The following SLC25A21 variants were observed in gnomAD, a reference collection of about 807,000 sequenced individuals.
SLC25A21 encodes mitochondrial 2-oxodicarboxylate carrier.
In SLC25A21, 47 loss-of-function variants were observed where a neutral mutation model predicts 43.8. The observed-to-expected ratio is 1.07, with a 90% confidence interval of 0.85 to 1.37. The LOEUF is 1.37. Among genes scored for constraint, SLC25A21 ranks in the 40% most tolerant of loss-of-function variants. The pLI is 0.00. For synonymous variants in SLC25A21, 131 were observed against 121.3 expected, an observed-to-expected ratio of 1.08 and a Z score of -0.52; for missense variants, 352 against 350.2, an observed-to-expected ratio of 1.00 and a Z score of -0.04.
chr14:37,007,474 T>A (rs1341517530), intron 1 of SLC25A21, among the ~76,000 whole-genome samples: 2 of 151,788 alleles, frequency 1.3e-5, no homozygotes, highest in East Asian at 3.9e-4. Context: ...ATGGTAGCGA[T>A]TGCCTGTAAT....
intron 1 of SLC25A21, among the ~76,000 whole-genome samples, chr14:36,926,102 G>T (rs1007446402): frequency 6.6e-6 from 1 of 152,000 alleles, no homozygotes; most frequent in African/African-American, 2.4e-5. Context: ...TAGAACATAG[G>T]CTGGATCATA....
At chr14:37,056,621 T>C (rs865966897) in intron 1 of SLC25A21, among the ~76,000 whole-genome samples, 1 of 152,172 alleles carries the variant, frequency 6.6e-6, no homozygotes, top group East Asian at 1.9e-4. Flanking sequence ...ACTCACACTC[T>C]TTCCCAGCAG....
chr14:36,814,936 T>C (rs919973000), intron 2 of SLC25A21, among the ~76,000 whole-genome samples: 1 of 152,140 alleles, frequency 6.6e-6, no homozygotes, highest in Non-Finnish European at 1.5e-5. Flanking sequence ...CCATCAATGA[T>C]AGACTGGATT....
intron 2 of SLC25A21, chr14:36,828,710 A>C (rs10131807): frequency 0.088 from 13,425 of 152,336 alleles, 832 homozygotes; most frequent in East Asian, 0.31. Context: ...CTGCCTCTCT[A>C]TGAGTCCTCT....
chr14:36,851,633 C>A (rs777568924), intron 2 of SLC25A21, among the ~76,000 whole-genome samples: 2 of 152,106 alleles, frequency 1.3e-5, no homozygotes, highest in Non-Finnish European at 2.9e-5. Flanking sequence ...CAATAAGCTA[C>A]ACAAAAAATG....
At chr14:37,114,949 C>G (rs1963081343) in intron 1 of SLC25A21, among the ~76,000 whole-genome samples, 1 of 152,128 alleles carries the variant, frequency 6.6e-6, no homozygotes, top group South Asian at 2.1e-4. Context: ...CATACCTAGA[C>G]ACAGATTTAG....
At position 36,679,338 on chromosome 14, in the gene SLC25A21, C is replaced by T. The variant is rs1566483875; in HGVS notation, c.*1320G>A. 1 of 969,758 alleles carries T rather than the reference C, an allele frequency of 1.0e-6. No homozygotes were observed. The highest frequency in any genetic ancestry group is 6.2e-5 in the Admixed American group (1 of 16,232). The allele number at this position is 969,758 out of a possible 1,614,324, so 60.1% of individuals were successfully genotyped here. A position where few individuals can be genotyped will look rare whatever the true frequency, so the allele number is the denominator to read the frequency against. ...CTTTTATTTTTATACTTCAAATGCT[C>T]TAAATTAATAAAAAGTAATAATTAC... On this transcript the variant is annotated 3_prime_UTR_variant, in exon 10 of 10. Coordinates refer to ENST00000331299, the MANE Select transcript of SLC25A21 (RefSeq NM_030631.4).
chr14:37,098,758 C>T (rs61989528), intron 1 of SLC25A21, among the ~76,000 whole-genome samples: 2,422 of 26,196 alleles, frequency 0.092, 66 homozygotes, highest in East Asian at 0.23. Context: ...GACAGACAGA[C>T]AGACAGACAG....
At chr14:36,752,256 G>A (rs961757398) in intron 3 of SLC25A21, among the ~76,000 whole-genome samples, 2 of 152,192 alleles carry the variant, frequency 1.3e-5, no homozygotes, top group African/African-American at 4.8e-5. Flanking sequence ...ACAAGTGTTG[G>A]AAAAGATGTG....
chr14:36,730,548 C>T (rs1884776189), intron 4 of SLC25A21, among the ~76,000 whole-genome samples: 1 of 152,118 alleles, frequency 6.6e-6, no homozygotes, highest in Admixed American at 6.5e-5. Flanking sequence ...ATTTCAGAGC[C>T]AAAAATACTC....
intron 4 of SLC25A21, among the ~76,000 whole-genome samples, chr14:36,732,941 A>C (rs1208907812): frequency 6.6e-6 from 1 of 152,192 alleles, no homozygotes; most frequent in Non-Finnish European, 1.5e-5. Flanking sequence ...CACATACACC[A>C]TATTCAGTTG....
At position 37,172,338 on chromosome 14, in the gene SLC25A21, G is replaced by C. The variant is rs371108412; in HGVS notation, c.13C>G (p.Pro5Ala). The C allele has an allele frequency of 6.2e-7, 1 of 1,601,092 alleles. No homozygotes were observed. The highest frequency in any genetic ancestry group is 8.5e-7 in the Non-Finnish European group (1 of 1,174,006). MSAK[P>A]EVSLVREASR... is the part of the protein sequence containing the mutation. Reference sequence around the variant, plus strand: ...GCCTCGCGCACTAAGCTGACTTCAGGCTTGGCGGACATCTTCGCCAGGCGG... The same window carrying C: ...GCCTCGCGCACTAAGCTGACTTCAGCCTTGGCGGACATCTTCGCCAGGCGG... Residue 5 changes from proline to alanine, a missense_variant, in exon 1 of 10, where the codon CCT becomes GCT. By Grantham distance (27) the Pro-to-Ala change is conservative. Transcript: ENST00000331299.
intron 3 of SLC25A21, among the ~76,000 whole-genome samples, chr14:36,740,778 T>C (rs189521245): frequency 3.2e-4 from 48 of 152,294 alleles, no homozygotes; most frequent in Admixed American, 2.5e-3. Context: ...GTGGTTCATG[T>C]AGAGCAAGGC....
intron 1 of SLC25A21, among the ~76,000 whole-genome samples, chr14:37,126,567 G>C (rs1405490205): frequency 6.6e-6 from 1 of 151,612 alleles, no homozygotes; most frequent in Non-Finnish European, 1.5e-5. Flanking sequence ...GTTATGTATA[G>C]GTATGTAATT....
chr14:37,104,397 G>A (rs534225028), intron 1 of SLC25A21, among the ~76,000 whole-genome samples: 1 of 152,188 alleles, frequency 6.6e-6, no homozygotes, highest in South Asian at 2.1e-4. Flanking sequence ...CAAATTATCT[G>A]GTCTAAGGTA....
rs372827618 is a variant in SLC25A21 at position 36,746,935 on chromosome 14, C to T, written c.204-12362G>A. 2.2e-4 allele frequency among the ~76,000 whole-genome samples: 33 copies of T among 152,196 alleles called. No individual in the cohort carries two copies. In the East Asian group the frequency reaches 3.3e-3, roughly 15 times the overall value. On this transcript the variant is annotated intron_variant, in intron 3 of 9. Coordinates refer to ENST00000331299, the MANE Select transcript of SLC25A21 (RefSeq NM_030631.4). ...CCTGCATTATTTAACCAAGATGTTG[C>T]CTTTCATATTACCTTATAGGTCTGA...
chr14:37,168,845 T>G (rs948725015), intron 1 of SLC25A21, among the ~76,000 whole-genome samples: 5 of 152,132 alleles, frequency 3.3e-5, no homozygotes, highest in African/African-American at 1.2e-4. Flanking sequence ...TATCTTCACA[T>G]AGACCAAGCA....
chr14:36,919,193 A>G (rs770468304), intron 1 of SLC25A21, among the ~76,000 whole-genome samples: 7 of 152,148 alleles, frequency 4.6e-5, no homozygotes, highest in Non-Finnish European at 8.8e-5. Flanking sequence ...TATCTATTAC[A>G]GCATTAGATA....
chr14:36,762,666 T>C (rs1594564149), intron 3 of SLC25A21, among the ~76,000 whole-genome samples: 1 of 152,266 alleles, frequency 6.6e-6, no homozygotes, highest in Non-Finnish European at 1.5e-5. Context: ...TTAGTTCTGC[T>C]ACTTAGTAGC....
Sources: allele counts gnomAD v4.1 joint callset (sites outside exome capture counted in the v4.1 genomes callset), GRCh38; gene constraint gnomAD v4.1.1; transcripts MANE v1.5; gene names NCBI Gene and HGNC (gene_info 2026-07-23, HGNC 2026-07-21).